SHTN1: variants seen among roughly 807,000 people sequenced by gnomAD.
SHTN1 encodes the protein shootin-1.
A neutral mutation model predicts 83.1 loss-of-function variants in SHTN1; 42 were observed. That is an observed-to-expected ratio of 0.51 (90% CI 0.39 to 0.65). The LOEUF is 0.65. SHTN1 is among the 30% of genes least tolerant of loss of function. The pLI is 0.00. For synonymous variants in SHTN1, 224 were observed against 247.7 expected, an observed-to-expected ratio of 0.90 and a Z score of 0.90; for missense variants, 622 against 737.8, an observed-to-expected ratio of 0.84 and a Z score of 1.82.
At chr10:117,068,102 A>T (rs1438936263) in intron 1 of SHTN1, among the ~76,000 whole-genome samples, 1 of 152,170 alleles carries the variant, frequency 6.6e-6, no homozygotes, top group Non-Finnish European at 1.5e-5. Flanking sequence ...CCCATTTAAG[A>T]GTCATCAGGC....
chr10:117,010,083 A>T (rs896092945), upstream of SHTN1, among the ~76,000 whole-genome samples: 2 of 152,120 alleles, frequency 1.3e-5, no homozygotes, highest in Non-Finnish European at 2.9e-5. Context: ...AAAATAATGA[A>T]GATTAGAGTG....
At chr10:117,084,507 C>T (rs1468057121) in intron 1 of SHTN1, among the ~76,000 whole-genome samples, 1 of 152,212 alleles carries the variant, frequency 6.6e-6, no homozygotes, top group African/African-American at 2.4e-5. Flanking sequence ...CTGTGCCCGC[C>T]CCCAGAGGTG....
At chr10:117,063,416 G>A (rs1056135637) in intron 1 of SHTN1, among the ~76,000 whole-genome samples, 6 of 152,128 alleles carry the variant, frequency 3.9e-5, no homozygotes, top group African/African-American at 1.4e-4. Context: ...CAGGTTCTAA[G>A]AATATCATCA....
chr10:117,099,575 A>G (rs1426641789), intron 1 of SHTN1, among the ~76,000 whole-genome samples: 4 of 152,162 alleles, frequency 2.6e-5, no homozygotes, highest in African/African-American at 9.7e-5. Flanking sequence ...AGATTCCAAA[A>G]CTCACATTCT....
intron 9 of SHTN1, among the ~76,000 whole-genome samples, chr10:116,931,210 A>G (rs1848951036): frequency 6.6e-6 from 1 of 151,020 alleles, no homozygotes; most frequent in Admixed American, 6.6e-5. Context: ...ATACTCTGAA[A>G]TATATTCACT....
chr10:117,038,883 C>T (rs1367567793), intron 2 of SHTN1, among the ~76,000 whole-genome samples: 1 of 152,176 alleles, frequency 6.6e-6, no homozygotes, highest in African/African-American at 2.4e-5. Context: ...AACTGTCATT[C>T]ATTGATGGTG....
intron 1 of SHTN1, among the ~76,000 whole-genome samples, chr10:117,003,567 C>A (rs1297347905): frequency 6.6e-6 from 1 of 151,872 alleles, no homozygotes; most frequent in Non-Finnish European, 1.5e-5. Flanking sequence ...CACTTCCCAA[C>A]GGTGTCTGTG....
chr10:117,033,585 G>T (rs1201958285), intron 2 of SHTN1, among the ~76,000 whole-genome samples: 1 of 152,118 alleles, frequency 6.6e-6, no homozygotes, highest in Non-Finnish European at 1.5e-5. Context: ...CTTCACTGCT[G>T]AATTCTACAA....
At chr10:117,044,472 T>C (rs1197809286) in intron 2 of SHTN1, among the ~76,000 whole-genome samples, 1 of 152,186 alleles carries the variant, frequency 6.6e-6, no homozygotes, top group Non-Finnish European at 1.5e-5. Flanking sequence ...GTAATTTGTG[T>C]CTGAATAAGA....
chr10:116,903,395 G>A (rs1847826403), intron 15 of SHTN1, among the ~76,000 whole-genome samples: 1 of 152,018 alleles, frequency 6.6e-6, no homozygotes, highest in Admixed American at 6.6e-5. Context: ...TTTGATGGTG[G>A]GCGCCTGTAA....
intron 1 of SHTN1, among the ~76,000 whole-genome samples, chr10:116,980,816 T>G (rs1031910095): frequency 6.6e-6 from 1 of 152,164 alleles, no homozygotes; most frequent in African/African-American, 2.4e-5. Context: ...ATGGCTACTG[T>G]GATGGTGGCA....
At position 116,886,257 on chromosome 10, in the gene SHTN1, A is replaced by C. The variant is rs1847159035; in HGVS notation, c.*87T>G. ...TTCTGAATACAGTGACCAGAGCAGA[A>C]TGTCTACAGCCCTTGCCAATATAAC... is the stretch of plus-strand genomic sequence containing the variant. On this transcript the variant is annotated 3_prime_UTR_variant, in exon 17 of 17. Transcript: ENST00000355371. 1 of 1,522,984 alleles carries C rather than the reference A, an allele frequency of 6.6e-7. No homozygotes were observed. 94.3% of individuals were successfully genotyped at this position (1,522,984 alleles called of 1,614,324 possible). A position where few individuals can be genotyped will look rare whatever the true frequency, so the allele number is the denominator to read the frequency against.
chr10:116,893,888 T>C (rs992161051), intron 16 of SHTN1, among the ~76,000 whole-genome samples: 2 of 152,164 alleles, frequency 1.3e-5, no homozygotes, highest in Middle Eastern at 3.2e-3. Flanking sequence ...TAATCTTTCA[T>C]AGGATTAGAG....
intron 3 of SHTN1, among the ~76,000 whole-genome samples, chr10:116,965,234 A>T (rs1850346158): frequency 6.6e-6 from 1 of 151,972 alleles, no homozygotes; most frequent in Non-Finnish European, 1.5e-5. Flanking sequence ...CCGTAGGCCT[A>T]GGCCGGGTGT....
At chr10:117,118,381 A>C (rs1399493491) in intron 1 of SHTN1, among the ~76,000 whole-genome samples, 2 of 100,558 alleles carry the variant, frequency 2.0e-5, no homozygotes, top group African/African-American at 6.2e-5. Flanking sequence ...AAAAAAAAAA[A>C]AAAAAAACAG....
intron 1 of SHTN1, among the ~76,000 whole-genome samples, chr10:117,090,788 AGG>A (rs1853419627): frequency 7.6e-6 from 1 of 132,278 alleles, no homozygotes; most frequent in East Asian, 2.6e-4. Context: ...GAAGGAAGGA[AGG>A]AAGGAAGGAA....
intron 2 of SHTN1, among the ~76,000 whole-genome samples, chr10:117,010,870 G>A (rs1434264379): frequency 6.6e-6 from 1 of 152,194 alleles, no homozygotes; most frequent in Non-Finnish European, 1.5e-5. Flanking sequence ...ACAAAAGTCA[G>A]CATCGTTTCA....
intron 13 of SHTN1, among the ~76,000 whole-genome samples, chr10:116,914,871 A>G (rs2133353778): frequency 6.6e-6 from 1 of 152,314 alleles, no homozygotes; most frequent in Non-Finnish European, 1.5e-5. Context: ...GAAATTAATG[A>G]AAAACAATCA....
intron 1 of SHTN1, among the ~76,000 whole-genome samples, chr10:117,078,259 G>A (rs1031854086): frequency 2.6e-5 from 4 of 152,112 alleles, no homozygotes; most frequent in African/African-American, 9.7e-5. Context: ...AAGCACAATC[G>A]AAGACACGCT....
Sources: gnomAD v4.1 joint callset for allele counts (sites outside exome capture counted in the v4.1 genomes callset) on GRCh38, gnomAD v4.1.1 for gene constraint, MANE v1.5 for transcripts, NCBI Gene and HGNC (gene_info 2026-07-23, HGNC 2026-07-21) for gene names.